Variants in AK8 observed in about 807,000 individuals in gnomAD.
AK8 encodes the protein ATP-AMP transphosphorylase 8.
In AK8, 44 loss-of-function variants were observed where a neutral mutation model predicts 54.6. The observed-to-expected ratio is 0.81, with a 90% confidence interval of 0.63 to 1.04. The LOEUF (loss-of-function observed/expected upper bound fraction) is 1.04, where lower values mean the gene tolerates loss of function less well. AK8 is among the 50% of genes least tolerant of loss of function. The pLI is 0.00. For missense variants in AK8, 555 were observed against 613.6 expected (o/e 0.90, Z 1.01); for synonymous variants, 239 against 245.6 (o/e 0.97, Z 0.25).
chr9:132,831,731 G>C (rs768024914), intron 5 of AK8, among the ~76,000 whole-genome samples: 1 of 152,142 alleles, frequency 6.6e-6, no homozygotes, highest in African/African-American at 2.4e-5. Flanking sequence ...CAGTGTGGGC[G>C]ACTGTAAGAG....
chr9:132,768,417 G>A (rs1270382718), intron 11 of AK8, among the ~76,000 whole-genome samples: 3 of 152,034 alleles, frequency 2.0e-5, no homozygotes, highest in Non-Finnish European at 2.9e-5. Flanking sequence ...ACAGGCATGC[G>A]CCACCATGCC....
At chr9:132,736,754 C>T (rs978721782) in intron 11 of AK8, among the ~76,000 whole-genome samples, 1 of 139,708 alleles carries the variant, frequency 7.2e-6, no homozygotes, top group Non-Finnish European at 1.5e-5. Context: ...CACTGCACTC[C>T]AGCCTGGGTG....
intron 5 of AK8, among the ~76,000 whole-genome samples, chr9:132,851,157 C>T (rs777182010): frequency 1.5e-4 from 23 of 152,188 alleles, no homozygotes; most frequent in Non-Finnish European, 2.9e-4. Context: ...GGGAGAAGAG[C>T]GAGCTAGGAG....
chr9:132,831,313 T>C (rs767956753), intron 5 of AK8, among the ~76,000 whole-genome samples: 1 of 150,680 alleles, frequency 6.6e-6, no homozygotes, highest in African/African-American at 2.4e-5. Context: ...TCACGACAAA[T>C]TGACATTTTT....
intron 10 of AK8, among the ~76,000 whole-genome samples, chr9:132,797,805 C>A (rs1163999970): frequency 6.6e-6 from 1 of 152,182 alleles, no homozygotes; most frequent in East Asian, 1.9e-4. Flanking sequence ...ACAATCTCCC[C>A]CGAAGGCCAT....
Position 132,792,788 on chromosome 9 carries a change from G to C in AK8, c.980-13C>G, listed in dbSNP as rs1840002414. 5 of 1,554,984 alleles carry C rather than the reference G, an allele frequency of 3.2e-6. No individual in the cohort carries two copies. Among genetic ancestry groups the C allele is most frequent in the African/African-American group, 1.4e-5 (1 of 73,416 alleles). On this transcript the variant is annotated splice_polypyrimidine_tract_variant and intron_variant, in intron 10 of 12. Transcript: ENST00000298545. ...AGGCTGTCAGGAACTGCAGAGAAGG[G>C]GGGCAAGTGAGTACCCTGCTGGCCG... is the stretch of plus-strand genomic sequence containing the variant.
intron 5 of AK8, among the ~76,000 whole-genome samples, chr9:132,835,701 A>C (rs1404939138): frequency 6.6e-6 from 1 of 152,228 alleles, no homozygotes; most frequent in Non-Finnish European, 1.5e-5. Flanking sequence ...GATTATAAAC[A>C]AACAGACCAG....
At chr9:132,730,888 G>A (rs1836810410) in intron 11 of AK8, among the ~76,000 whole-genome samples, 2 of 152,254 alleles carry the variant, frequency 1.3e-5, no homozygotes, top group South Asian at 4.1e-4. Context: ...ACCTGGCCTC[G>A]GGAAAGCCGG....
At chr9:132,753,993 G>C (rs1329634787) in intron 11 of AK8, among the ~76,000 whole-genome samples, 2 of 152,218 alleles carry the variant, frequency 1.3e-5, no homozygotes, top group African/African-American at 4.8e-5. Flanking sequence ...GGAGCCCGGA[G>C]TGCGGTTCCA....
rs7874845 is a variant in AK8, at chr9:132,790,969, A to T, written c.1121+1665T>A. On this transcript the variant is annotated intron_variant, in intron 11 of 12. Transcript: ENST00000298545. The surrounding 1 kb of genome is among the most constrained non-coding windows in gnomAD (Gnocchi z 4.1). ...ACAAGAGATAATATACCTAGAAATAAAATAAAAAATGCGAGACCCAAGGAA... is the reference window on the plus strand; with the variant it reads ...ACAAGAGATAATATACCTAGAAATATAATAAAAAATGCGAGACCCAAGGAA... Among the ~76,000 whole-genome samples, 7,872 of 152,286 alleles carry T rather than the reference A, an allele frequency of 0.052. 704 individuals carry two copies. The highest frequency in any genetic ancestry group is 0.18 in the African/African-American group (7,478 of 41,518).
intron 5 of AK8, among the ~76,000 whole-genome samples, chr9:132,841,720 G>A (rs1842554430): frequency 6.6e-6 from 1 of 152,174 alleles, no homozygotes; most frequent in South Asian, 2.1e-4. Flanking sequence ...GATGATTTCT[G>A]TAGATGGCTT....
chr9:132,819,417 A>G (rs1042781495), intron 9 of AK8, among the ~76,000 whole-genome samples: 1 of 152,234 alleles, frequency 6.6e-6, no homozygotes, highest in African/African-American at 2.4e-5. Context: ...CCAATCCCCC[A>G]TGGATACTGA....
At chr9:132,839,325 T>G (rs1270267971) in intron 5 of AK8, among the ~76,000 whole-genome samples, 1 of 152,206 alleles carries the variant, frequency 6.6e-6, no homozygotes. Context: ...ATTTTCCTTC[T>G]TTCCTGTCTT....
intron 11 of AK8, among the ~76,000 whole-genome samples, chr9:132,788,886 A>G (rs1457216337): frequency 6.6e-6 from 1 of 152,256 alleles, no homozygotes; most frequent in African/African-American, 2.4e-5. Flanking sequence ...AAAAATTCTA[A>G]TCCATATTAT....
At position 132,794,125 on chromosome 9, in the gene AK8, A is replaced by G. The variant is rs117944198; in HGVS notation, c.980-1350T>C. ...TTCTAAGCAGTCTGCATTTCCCTGAATGTGTTCTCTCTCATGCCCTTCAGC... is the reference window on the plus strand; with the variant it reads ...TTCTAAGCAGTCTGCATTTCCCTGAGTGTGTTCTCTCTCATGCCCTTCAGC... On this transcript the variant is annotated intron_variant, in intron 10 of 12. Transcript: ENST00000298545. Among the ~76,000 whole-genome samples the G allele has an allele frequency of 3.9e-4, 59 of 152,316 alleles. No homozygotes were observed. In the East Asian group the frequency reaches 0.011, roughly 29 times the overall value.
intron 5 of AK8, among the ~76,000 whole-genome samples, chr9:132,842,390 G>T (rs1842581044): frequency 6.6e-6 from 1 of 152,106 alleles, no homozygotes; most frequent in Non-Finnish European, 1.5e-5. Context: ...GTCTCTGCCA[G>T]GTATCACATG....
chr9:132,839,923 T>C (rs1350956559), intron 5 of AK8, among the ~76,000 whole-genome samples: 2 of 151,528 alleles, frequency 1.3e-5, no homozygotes, highest in African/African-American at 4.9e-5. Context: ...GTTCAAGTGA[T>C]TCTCTTGCCT....
In AK8 at chr9:132,872,010, G is replaced by A. The variant is rs117138051; in HGVS notation, c.169+3105C>T. Among the ~76,000 whole-genome samples the A allele has an allele frequency of 7.6e-3, 1,161 of 152,264 alleles. 9 individuals carry two copies. The highest frequency in any genetic ancestry group is 0.013 in the Admixed American group (194 of 15,290). ...TCAAGGTTCTTGAGCTTCTAGGCTG[G>A]GGAACTAGGTAAGCCTTGAAGTAGC... On this transcript the variant is annotated intron_variant, in intron 2 of 12. Coordinates refer to ENST00000298545, the MANE Select transcript of AK8 (RefSeq NM_152572.3).
chr9:132,728,841 G>A (rs149927122), intron 11 of AK8, among the ~76,000 whole-genome samples: 1 of 152,166 alleles, frequency 6.6e-6, no homozygotes, highest in East Asian at 1.9e-4. Flanking sequence ...CAAACTCCTA[G>A]TTCCAATGGT....
Sources: gnomAD v4.1 joint callset for allele counts (sites outside exome capture counted in the v4.1 genomes callset) on GRCh38, gnomAD v4.1.1 for gene constraint, Gnocchi (gnomAD v3.1) non-coding constraint, MANE v1.5 for transcripts, NCBI Gene and HGNC (gene_info 2026-07-23, HGNC 2026-07-21) for gene names.